The following LMBR1 variants were observed in gnomAD, a reference collection of about 807,000 sequenced individuals.
LMBR1 encodes limb region 1 protein homolog.
LMBR1 carries 52 observed loss-of-function variants against 73.9 expected under a neutral mutation model. The ratio of observed to expected loss-of-function variants is 0.70; its 90% CI spans 0.56 to 0.89. The LOEUF (loss-of-function observed/expected upper bound fraction) is 0.89, where lower values mean the gene tolerates loss of function less well. LMBR1 is among the 40% of genes least tolerant of loss of function. The pLI, the probability that LMBR1 is intolerant of heterozygous loss-of-function variation, is 0.00. For missense variants in LMBR1, 539 were observed against 579.8 expected, an observed-to-expected ratio of 0.93 and a Z score of 0.72; for synonymous variants, 215 against 209.4, an observed-to-expected ratio of 1.03 and a Z score of -0.23.
intron 1 of LMBR1, among the ~76,000 whole-genome samples, chr7:156,841,432 G>A (rs1563506140): frequency 6.6e-6 from 1 of 152,110 alleles, no homozygotes; most frequent in Non-Finnish European, 1.5e-5. Flanking sequence ...TTCCATCCCA[G>A]GGAGTAAGTA....
Position 156,892,815 on chromosome 7 carries a change from G to A in LMBR1, c.66+113C>T, listed in dbSNP as rs1803380378. On this transcript the variant is annotated intron_variant, in intron 1 of 16. Coordinates refer to ENST00000353442, the MANE Select transcript of LMBR1 (RefSeq NM_022458.4). Reference sequence around the variant, plus strand: ...GAGAGCGGCAGAGGCCGGGGCGGGAGGCGCGAGGCGAGGCCCGGAGGTGAG... The same window carrying A: ...GAGAGCGGCAGAGGCCGGGGCGGGAAGCGCGAGGCGAGGCCCGGAGGTGAG... The A allele has an allele frequency of 1.2e-5, 6 of 487,494 alleles. No homozygotes were observed. The South Asian group carries it at 1.4e-4, about 11-fold the overall frequency. 30.2% of individuals were successfully genotyped at this position (487,494 alleles called of 1,614,324 possible).
At chr7:156,696,143 C>T (rs190738306) in intron 15 of LMBR1, among the ~76,000 whole-genome samples, 158 of 152,090 alleles carry the variant, frequency 1.0e-3, no homozygotes, top group African/African-American at 3.5e-3. Context: ...TTTGTGATCC[C>T]GGGTTAGAGA....
intron 1 of LMBR1, among the ~76,000 whole-genome samples, chr7:156,881,956 C>T (rs927456160): frequency 6.6e-6 from 1 of 152,194 alleles, no homozygotes; most frequent in Non-Finnish European, 1.5e-5. Context: ...CCGTATGATT[C>T]AGCAATCTCC....
intron 15 of LMBR1, among the ~76,000 whole-genome samples, chr7:156,703,308 C>A (rs1810201978): frequency 6.6e-6 from 1 of 152,194 alleles, no homozygotes; most frequent in Non-Finnish European, 1.5e-5. Context: ...AGAACTCCTG[C>A]AGCCAGAACT....
At chr7:156,872,456 A>T (rs4716658) in intron 1 of LMBR1, among the ~76,000 whole-genome samples, 151,911 of 152,124 alleles carry the variant, frequency 1, 75,851 homozygotes, top group Middle Eastern at 1. Context: ...GAGACCACCC[A>T]GACCAACGTG....
intron 5 of LMBR1, among the ~76,000 whole-genome samples, chr7:156,788,461 T>C (rs546122788): frequency 2.4e-4 from 37 of 152,020 alleles, no homozygotes; most frequent in Non-Finnish European, 7.4e-5. Flanking sequence ...AATCTATGAC[T>C]AGGAATTTTT....
intron 4 of LMBR1, among the ~76,000 whole-genome samples, chr7:156,798,212 A>G (rs911100135): frequency 6.6e-6 from 1 of 152,234 alleles, no homozygotes; most frequent in Non-Finnish European, 1.5e-5. Context: ...ATTGGTAAGC[A>G]TTAAATAATG....
intron 15 of LMBR1, among the ~76,000 whole-genome samples, chr7:156,709,144 G>A (rs970264031): frequency 6.6e-6 from 1 of 152,132 alleles, no homozygotes; most frequent in Non-Finnish European, 1.5e-5. Flanking sequence ...CCCATCACCT[G>A]AGAAACCAGA....
chr7:156,877,202 C>G (rs1416892015), intron 1 of LMBR1, among the ~76,000 whole-genome samples: 1 of 151,386 alleles, frequency 6.6e-6, no homozygotes. Context: ...TAGCTTAAAT[C>G]AGGAAGAATT....
chr7:156,682,572 T>G lies in LMBR1; in HGVS notation c.*1506A>C, dbSNP rs974408590. The G allele has an allele frequency of 6.6e-6, 1 of 152,202 alleles. No individual in the cohort carries two copies. The highest frequency in any genetic ancestry group is 1.9e-4 in the East Asian group (1 of 5,194). The allele number at this position is 152,202 out of a possible 1,614,324, so 9.4% of individuals were successfully genotyped here. On this transcript the variant is annotated 3_prime_UTR_variant, in exon 17 of 17. Transcript: ENST00000353442. ...TCTTTTATTTTAAAACCAAGCTGCA[T>G]TTTAGAAAGATGTGAAGCTCGGAAG...
chr7:156,698,784 G>A (rs1158911678), intron 15 of LMBR1, among the ~76,000 whole-genome samples: 2 of 152,116 alleles, frequency 1.3e-5, no homozygotes, highest in Admixed American at 6.5e-5. Context: ...TTTCTGACAT[G>A]CCCTGGAGAC....
intron 1 of LMBR1, among the ~76,000 whole-genome samples, chr7:156,874,200 C>T (rs946903709): frequency 5.3e-5 from 8 of 152,246 alleles, no homozygotes; most frequent in African/African-American, 9.6e-5. Context: ...GCCAGTGGGC[C>T]GGCACCGCTG....
chr7:156,736,724 C>T (rs1232381473), intron 9 of LMBR1: 1 of 371,614 alleles, frequency 2.7e-6, no homozygotes, highest in African/African-American at 2.1e-5. Flanking sequence ...TCAATGTCTA[C>T]ATTATTATAA....
rs576219427 is a variant in LMBR1, at chr7:156,670,328, G to A, written n.867-1041C>T. 3.9e-5 allele frequency among the ~76,000 whole-genome samples: 6 copies of A among 152,318 alleles called. No individual in the cohort carries two copies. The South Asian group carries it at 1.2e-3, about 32-fold the overall frequency. On this transcript the variant is annotated intron_variant and non_coding_transcript_variant, in intron 4 of 4. Transcript: ENST00000430825. The surrounding 1 kb of genome is among the most constrained non-coding windows in gnomAD (Gnocchi z 4.3). ...CAGGCCCTGCCTTCAGCTCACTGAG[G>A]AGTCAGGTCTGCAAGGGGGGCCCTG...
intron 9 of LMBR1, among the ~76,000 whole-genome samples, chr7:156,741,343 A>G (rs1433854977): frequency 1.3e-5 from 2 of 152,208 alleles, no homozygotes; most frequent in Admixed American, 6.5e-5. Flanking sequence ...AAACTCTCCA[A>G]TCAAAAGACA....
At chr7:156,887,064 C>T (rs1406702414) in intron 1 of LMBR1, among the ~76,000 whole-genome samples, 1 of 152,212 alleles carries the variant, frequency 6.6e-6, no homozygotes, top group African/African-American at 2.4e-5. Flanking sequence ...TCAATCATTA[C>T]TACCTGATAC....
At chr7:156,854,589 G>A (rs1275177357) in intron 1 of LMBR1, among the ~76,000 whole-genome samples, 1 of 152,168 alleles carries the variant, frequency 6.6e-6, no homozygotes, top group Non-Finnish European at 1.5e-5. Flanking sequence ...TAACCTATTT[G>A]AATTTTATCA....
At chr7:156,819,947 T>C (rs1834497165) in intron 4 of LMBR1, among the ~76,000 whole-genome samples, 2 of 152,170 alleles carry the variant, frequency 1.3e-5, no homozygotes, top group Non-Finnish European at 2.9e-5. Flanking sequence ...TGGAAGCTAC[T>C]AGAACTGCAT....
chr7:156,840,837 C>T (rs961008102), intron 1 of LMBR1, among the ~76,000 whole-genome samples: 2 of 150,006 alleles, frequency 1.3e-5, no homozygotes, highest in East Asian at 2.0e-4. Context: ...TCGTGGCGGG[C>T]GTCTGTAGTC....
Sources: gnomAD v4.1 joint callset for allele counts (sites outside exome capture counted in the v4.1 genomes callset) on GRCh38, gnomAD v4.1.1 for gene constraint, Gnocchi (gnomAD v3.1) non-coding constraint, MANE v1.5 for transcripts, NCBI Gene and HGNC (gene_info 2026-07-23, HGNC 2026-07-21) for gene names.